The following CDV3 variants were observed in gnomAD, a reference collection of about 807,000 sequenced individuals.
CDV3 encodes the protein CDV3 homolog.
CDV3 carries 14 observed loss-of-function variants against 24.5 expected under a neutral mutation model. The ratio of observed to expected loss-of-function variants is 0.57; its 90% CI spans 0.38 to 0.89. The LOEUF (loss-of-function observed/expected upper bound fraction) is 0.89. CDV3 is among the 40% of genes least tolerant of loss of function. CDV3 has a pLI of 0.00. For missense variants in CDV3, 304 were observed against 310.2 expected (o/e 0.98, Z 0.15); for synonymous variants, 114 against 114.1 (o/e 1.00, Z 0.00).
chr3:133,580,925 T>C (rs1237469345), intron 2 of CDV3, among the ~76,000 whole-genome samples: 1 of 152,248 alleles, frequency 6.6e-6, no homozygotes, highest in Non-Finnish European at 1.5e-5. Context: ...GCTTATTTTT[T>C]GGTAATAGTT....
chr3:133,584,206 A>G, intron 3 of CDV3, 56 bp downstream of exon 3: 2 of 1,338,294 alleles, frequency 1.5e-6, no homozygotes, highest in Non-Finnish European at 1.0e-6. Context: ...GATTTTATAT[A>G]TGGTCCACTT....
At chr3:133,583,910 G>T in intron 2 of CDV3, 92 bp from the exon 3 acceptor site, 1 of 883,184 alleles carries the variant, frequency 1.1e-6, no homozygotes, top group East Asian at 2.5e-5. Context: ...GACTTCTTCA[G>T]GGTCGTACAG....
chr3:133,582,316 T>C (rs1253661945), intron 2 of CDV3, among the ~76,000 whole-genome samples: 6 of 152,170 alleles, frequency 3.9e-5, no homozygotes, highest in African/African-American at 9.7e-5. Context: ...CACACCTGGC[T>C]AATTTTTGTG....
At chr3:133,579,192 A>G (rs1242728568) in intron 2 of CDV3, among the ~76,000 whole-genome samples, 1 of 152,066 alleles carries the variant, frequency 6.6e-6, no homozygotes, top group African/African-American at 2.4e-5. Context: ...GCTGTAGTAG[A>G]TATTCAGTAA....
rs977473050 is a variant in CDV3, at chr3:133,573,914, C to A, written c.-131C>A. ...GCCCGTCTCGCCGCGCACGCCTCGGCGACCCCGCGGGGCTGAGGCGTCGCC... is the reference window on the plus strand; with the variant it reads ...GCCCGTCTCGCCGCGCACGCCTCGGAGACCCCGCGGGGCTGAGGCGTCGCC... On this transcript the variant is annotated 5_prime_UTR_variant, in exon 1 of 5. Coordinates refer to ENST00000264993, the MANE Select transcript of CDV3 (RefSeq NM_017548.5). The A allele has an allele frequency of 7.3e-6, 5 of 682,194 alleles. No homozygotes were observed. In the Admixed American group the frequency reaches 1.9e-4, roughly 26 times the overall value. 42.3% of individuals were successfully genotyped at this position (682,194 alleles called of 1,614,324 possible). A position where few individuals can be genotyped will look rare whatever the true frequency, so the allele number is the denominator to read the frequency against.
Position 133,588,460 on chromosome 3 carries a change from T to A in CDV3, c.*414T>A, listed in dbSNP as rs546314720. 2 of 1,239,148 alleles carry A rather than the reference T, an allele frequency of 1.6e-6. No individual in the cohort carries two copies. Among genetic ancestry groups the A allele is most frequent in the Non-Finnish European group, 2.3e-6 (2 of 880,182 alleles). The allele number at this position is 1,239,148 out of a possible 1,614,324, so 76.8% of individuals were successfully genotyped here. A position where few individuals can be genotyped will look rare whatever the true frequency, so the allele number is the denominator to read the frequency against. Reference sequence around the variant, plus strand: ...GAAGATTACAACTATTAAGTGTCGATGTGAACCTTGCAACCAGCTCTACTG... The same window carrying A: ...GAAGATTACAACTATTAAGTGTCGAAGTGAACCTTGCAACCAGCTCTACTG... On this transcript the variant is annotated 3_prime_UTR_variant, in exon 5 of 5. Transcript: ENST00000264993.
At position 133,573,938 on chromosome 3, in the gene CDV3, C is replaced by A; in HGVS notation, c.-107C>A. 5 of 936,268 alleles carry A rather than the reference C, an allele frequency of 5.3e-6. No individual in the cohort carries two copies. Among genetic ancestry groups the A allele is most frequent in the Non-Finnish European group, 6.4e-6 (5 of 784,518 alleles). 58.0% of individuals were successfully genotyped at this position (936,268 alleles called of 1,614,324 possible). Reference sequence around the variant, plus strand: ...GCGACCCCGCGGGGCTGAGGCGTCGCCGCGCCCGGCAGCGTGAGCGCAGAG... The same window carrying A: ...GCGACCCCGCGGGGCTGAGGCGTCGACGCGCCCGGCAGCGTGAGCGCAGAG... On this transcript the variant is annotated 5_prime_UTR_variant, in exon 1 of 5. Coordinates refer to ENST00000264993, the MANE Select transcript of CDV3 (RefSeq NM_017548.5).
rs1305648141 is a variant in CDV3, at chr3:133,588,701, TTAAAC to T, written c.*659_*663del. 50 of 272,520 alleles carry T rather than the reference TTAAAC, an allele frequency of 1.8e-4. No homozygotes were observed. The East Asian group carries it at 2.4e-3, about 13-fold the overall frequency. 16.9% of individuals were successfully genotyped at this position (272,520 alleles called of 1,614,324 possible). ...TCTGTGTAGGGCTGTGATTTGTAAT[TTAAAC>T]TAATTGTATTCTGAGGTAACCACAA... On this transcript the variant is annotated 3_prime_UTR_variant, in exon 5 of 5. Coordinates refer to ENST00000264993, the MANE Select transcript of CDV3 (RefSeq NM_017548.5).
At chr3:133,574,605 C>T in intron 1 of CDV3, 1 of 1,002,420 alleles carries the variant, frequency 1.0e-6, no homozygotes, top group Non-Finnish European at 1.2e-6. Context: ...GACGTCTAGG[C>T]TGAGTAATTC....
chr3:133,587,981 C>T lies in CDV3; in HGVS notation c.712C>T (p.Leu238Phe), dbSNP rs1468626193. The T allele has an allele frequency of 1.2e-6, 2 of 1,613,974 alleles. No individual in the cohort carries two copies. Among genetic ancestry groups the T allele is most frequent in the East Asian group, 4.5e-5 (2 of 44,896 alleles). ...DEVSKNQALKLQLDNQYAVLE... is the reference protein window; with the variant it reads ...DEVSKNQALKFQLDNQYAVLE... ...GGTTTCAAAAAACCAGGCCCTTAAA[C>T]TTCAGCTAGACAACCAATATGCTGT... The change falls in exon 5 of 5, where the codon CTT becomes TTT. Residue 238 changes from leucine to phenylalanine, a missense_variant. Physicochemically the swap from Leu to Phe is conservative, Grantham distance 22 (BLOSUM62 0). Around this residue, in one of 3 missense-constraint regions of CDV3, gnomAD observed 56 missense variants for 50.9 expected, o/e 1.10. Transcript: ENST00000264993.
At chr3:133,574,349 C>G (rs971504836) in intron 1 of CDV3, 65 bp downstream of exon 1, 2 of 922,374 alleles carry the variant, frequency 2.2e-6, no homozygotes, top group Admixed American at 6.2e-5. Context: ...GTGCCCGCCC[C>G]CGCCTGCCGG....
At chr3:133,576,975 G>A (rs2074840048) in intron 2 of CDV3, among the ~76,000 whole-genome samples, 1 of 149,928 alleles carries the variant, frequency 6.7e-6, no homozygotes, top group African/African-American at 2.5e-5. Context: ...AGCCTCCCGA[G>A]TAGCTGGGAT....
intron 2 of CDV3, among the ~76,000 whole-genome samples, chr3:133,576,618 TG>T (rs1474948952): frequency 4.6e-5 from 7 of 152,326 alleles, no homozygotes; most frequent in African/African-American, 1.7e-4. Flanking sequence ...AAATTGATTT[TG>T]TTAAACTATG....
chr3:133,585,019 T>G (rs934844141), intron 3 of CDV3, among the ~76,000 whole-genome samples: 2 of 152,206 alleles, frequency 1.3e-5, no homozygotes, highest in African/African-American at 4.8e-5. Flanking sequence ...CAAATCTTGT[T>G]ATGCAGAAAT....
intron 2 of CDV3, among the ~76,000 whole-genome samples, chr3:133,575,539 G>T: frequency 6.6e-6 from 1 of 152,278 alleles, no homozygotes; most frequent in Non-Finnish European, 1.5e-5. Flanking sequence ...AGAGATAGAG[G>T]TTTTATGTGT....
At chr3:133,586,999 T>C (rs1474492053) in intron 4 of CDV3, among the ~76,000 whole-genome samples, 1 of 152,236 alleles carries the variant, frequency 6.6e-6, no homozygotes, top group Non-Finnish European at 1.5e-5. Context: ...TGACAAGTTT[T>C]AATGTAGTTA....
intron 2 of CDV3, among the ~76,000 whole-genome samples, chr3:133,583,218 T>A (rs1444531034): frequency 6.6e-6 from 1 of 152,242 alleles, no homozygotes; most frequent in Non-Finnish European, 1.5e-5. Flanking sequence ...AATTCTATCC[T>A]CTGTAAACAC....
At chr3:133,587,641 A>C in intron 4 of CDV3, 1 of 1,180,926 alleles carries the variant, frequency 8.5e-7, no homozygotes, top group Non-Finnish European at 1.0e-6. Flanking sequence ...GTTTTCTTCA[A>C]GTTTGTCCTG....
chr3:133,588,559 G>C lies in CDV3; in HGVS notation c.*513G>C, dbSNP rs1933836912. The C allele has an allele frequency of 3.2e-6, 2 of 629,636 alleles. No individual in the cohort carries two copies. The highest frequency in any genetic ancestry group is 5.6e-6 in the Non-Finnish European group (2 of 360,266). The allele number at this position is 629,636 out of a possible 1,614,324, so 39.0% of individuals were successfully genotyped here. Reference sequence around the variant, plus strand: ...TCTGCTGTAAAAGATGAAGATTTAAGTGACCTTAATTAACCTGTCCTGTGC... The same window carrying C: ...TCTGCTGTAAAAGATGAAGATTTAACTGACCTTAATTAACCTGTCCTGTGC... On this transcript the variant is annotated 3_prime_UTR_variant, in exon 5 of 5. Coordinates refer to ENST00000264993, the MANE Select transcript of CDV3 (RefSeq NM_017548.5).
Sources: allele counts gnomAD v4.1 joint callset (sites outside exome capture counted in the v4.1 genomes callset), GRCh38; gene constraint gnomAD v4.1.1; regional missense constraint gnomAD v4.1.1; transcripts MANE v1.5; gene names NCBI Gene and HGNC (gene_info 2026-07-23, HGNC 2026-07-21).